The following FPGS variants were observed in gnomAD, a reference collection of about 807,000 sequenced individuals.
FPGS encodes folylpolyglutamate synthase, also known as folylpolyglutamate synthase, mitochondrial.
A neutral mutation model predicts 66.5 loss-of-function variants in FPGS; 53 were observed. That is an observed-to-expected ratio of 0.80 (90% CI 0.64 to 1.00). The LOEUF (loss-of-function observed/expected upper bound fraction) is 1.00. Among genes scored for constraint, FPGS ranks in the 50% least tolerant of loss-of-function variants. The probability of loss-of-function intolerance (pLI) is 0.00; values close to 1 mark genes in which losing one functional copy is unlikely to be tolerated. For synonymous variants in FPGS, 348 were observed against 350.9 expected, an observed-to-expected ratio of 0.99 and a Z score of 0.09; for missense variants, 702 against 807.7, an observed-to-expected ratio of 0.87 and a Z score of 1.59.
At chr9:127,814,148 G>C, downstream of FPGS, 3 of 986,028 alleles carry the variant, frequency 3.0e-6, no homozygotes, top group Non-Finnish European at 2.4e-6. Context: ...GACCTGCACT[G>C]TGTAGAGGGA....
intron 1 of FPGS, 56 bp downstream of exon 1, chr9:127,803,118 G>T (rs1829669701): frequency 1.1e-5 from 14 of 1,299,870 alleles, no homozygotes; most frequent in Non-Finnish European, 1.4e-5. Context: ...GTGGGCCTGC[G>T]CTGAGCCGCA....
At chr9:127,813,122 C>A in intron 14 of FPGS, 73 bp from the exon 15 acceptor site, 1 of 1,499,512 alleles carries the variant, frequency 6.7e-7, no homozygotes. Context: ...TCACGGTGCA[C>A]CCGCCCCTTT....
Position 127,811,829 on chromosome 9 carries a change from C to T in FPGS, c.1354+818C>T, listed in dbSNP as rs142910068. Among the ~76,000 whole-genome samples, 18 of 151,972 alleles carry T rather than the reference C, an allele frequency of 1.2e-4. No individual in the cohort carries two copies. The East Asian group carries it at 3.5e-3, about 30-fold the overall frequency. ...TGAAATAGAGTAGAATAGAAAATAC[C>T]AGTGTACGTTGCACAGAGTAAGGGT... is the stretch of plus-strand genomic sequence containing the variant. On this transcript the variant is annotated intron_variant, in intron 14 of 14. Coordinates refer to ENST00000373247, the MANE Select transcript of FPGS (RefSeq NM_004957.6).
rs568982346 is a variant in FPGS, at chr9:127,810,017, C to A, written c.1212-14C>A. 1.1e-5 allele frequency: 17 copies of A among 1,607,770 alleles called. No individual in the cohort carries two copies. The East Asian group carries it at 2.9e-4, about 28-fold the overall frequency. The stretch of plus-strand genomic sequence containing the variant: ...GGCGGCGCCCTTTGACCCAGCTCCT[C>A]ACCTCTGTCGCAGTGGCCCCGAGGT... On this transcript the variant is annotated splice_polypyrimidine_tract_variant and intron_variant, in intron 12 of 14. Coordinates refer to ENST00000373247, the MANE Select transcript of FPGS (RefSeq NM_004957.6).
In FPGS at chr9:127,803,001, T is replaced by TCGCGG; in HGVS notation, c.85_89dup (p.Leu32GlyfsTer3). On this transcript the variant is annotated frameshift_variant, in exon 1 of 15. Transcript: ENST00000373247. LOFTEE classifies it high-confidence loss of function. ...TCTGCGCGCGGCATAACGACCCAGG[T>TCGCGG]CGCGGCGCGGCGGGGCTTGAGCGCG... 6.8e-7 allele frequency: 1 copy of TCGCGG among 1,465,998 alleles called. No individual in the cohort carries two copies. Among genetic ancestry groups the TCGCGG allele is most frequent in the Non-Finnish European group, 8.9e-7 (1 of 1,117,636 alleles). 90.8% of individuals were successfully genotyped at this position (1,465,998 alleles called of 1,614,324 possible).
At chr9:127,810,883 T>C in intron 13 of FPGS, 62 bp from the exon 14 acceptor site, 1 of 852,024 alleles carries the variant, frequency 1.2e-6, no homozygotes, top group East Asian at 2.7e-5. Flanking sequence ...CAGGGGGCCA[T>C]ATGGAAGTTG....
In FPGS at chr9:127,808,629, G is replaced by A. The variant is rs1829927583; in HGVS notation, c.894G>A (p.Glu298=). 8 of 1,611,486 alleles carry A rather than the reference G, an allele frequency of 5.0e-6. No individual in the cohort carries two copies. The highest frequency in any genetic ancestry group is 1.3e-5 in the African/African-American group (1 of 74,904). Residue 298 remains glutamate (E), a synonymous_variant, in exon 10 of 15, where the codon GAG becomes GAA. Coordinates refer to ENST00000373247, the MANE Select transcript of FPGS (RefSeq NM_004957.6). ...GGCCGCCGCTGACCCTGGGCCTGGA[G>A]GGGGAGCACCAGCGGTCCAACGCCG... ...EGGPPLTLGL[E]GEHQRSNAAL...
Position 127,807,315 on chromosome 9 carries a change from T to C in FPGS, c.579+29T>C. ...TGTGCCCTCTCCCTAGAACCCTGCA[T>C]CTGAGGCCTTGGGAACGGGAACCTC... On this transcript the variant is annotated intron_variant, in intron 6 of 14. Coordinates refer to ENST00000373247, the MANE Select transcript of FPGS (RefSeq NM_004957.6). This position sits in a 1 kb window ranked among gnomAD's most constrained non-coding sequence, Gnocchi z 5.8. 1.2e-6 allele frequency: 2 copies of C among 1,613,754 alleles called. No homozygotes were observed. The highest frequency in any genetic ancestry group is 1.7e-6 in the Non-Finnish European group (2 of 1,179,686).
chr9:127,811,144 A>C, intron 14 of FPGS, 133 bp downstream of exon 14: 1 of 444,748 alleles, frequency 2.2e-6, no homozygotes, highest in African/African-American at 2.0e-5. Flanking sequence ...GTGTACTTAT[A>C]CTCTTTTATA....
Position 127,804,669 on chromosome 9 carries a change from C to T in FPGS, c.355C>T (p.Arg119Ter), listed in dbSNP as rs200083705. The change falls in exon 4 of 15, where the codon CGA becomes TGA. Residue 119 changes from arginine to a stop codon, truncating the protein, a stop_gained. Transcript: ENST00000373247. LOFTEE classifies it high-confidence loss of function. ...CTGTGCCTTCACGGAATGTATCCTCCGAAGCTATGGCCTGAAGACGGGATT... is the reference window on the plus strand; with the variant it reads ...CTGTGCCTTCACGGAATGTATCCTCTGAAGCTATGGCCTGAAGACGGGATT... The part of the protein sequence containing the change: ...STCAFTECIL[R>*]SYGLKTGFFS... 23 of 1,614,022 alleles carry T rather than the reference C, an allele frequency of 1.4e-5. No homozygotes were observed. The highest frequency in any genetic ancestry group is 4.5e-5 in the East Asian group (2 of 44,880).
Position 127,803,058 on chromosome 9 carries a change from AC to A in FPGS, c.136del (p.Gln46ArgfsTer20). 7.1e-7 allele frequency: 1 copy of A among 1,409,812 alleles called. No homozygotes were observed. Among genetic ancestry groups the A allele is most frequent in the Non-Finnish European group, 9.2e-7 (1 of 1,088,604 alleles). 87.3% of individuals were successfully genotyped at this position (1,409,812 alleles called of 1,614,324 possible). A position where few individuals can be genotyped will look rare whatever the true frequency, so the allele number is the denominator to read the frequency against. On this transcript the variant is annotated frameshift_variant, in exon 1 of 15. Transcript: ENST00000373247. LOFTEE classifies it high-confidence loss of function. Reference protein sequence around the residue: ...WPVPQEPSMEYQDAVRMLNTL... With the variant: ...WPVPQEPSMEXQDAVRMLNTL... ...GTGCCGCAGGAGCCGAGCATGGAGT[AC>A]CAGGTATCAGGCGGGCCAGCGGGCC...
chr9:127,813,174 G>C, intron 14 of FPGS, 21 bp from the exon 15 acceptor site: 1 of 1,545,374 alleles, frequency 6.5e-7, no homozygotes, highest in Non-Finnish European at 8.8e-7. Context: ...TCGCTGATAG[G>C]CCTTTCTCTG....
chr9:127,804,039 G>A (rs1351853466), intron 1 of FPGS, among the ~76,000 whole-genome samples: 1 of 152,226 alleles, frequency 6.6e-6, no homozygotes, highest in Non-Finnish European at 1.5e-5. Flanking sequence ...CGTTAGTCAT[G>A]CCACCTTCTT....
At chr9:127,812,622 C>T (rs1246957642) in intron 14 of FPGS, among the ~76,000 whole-genome samples, 4 of 152,194 alleles carry the variant, frequency 2.6e-5, no homozygotes, top group Non-Finnish European at 5.9e-5. Flanking sequence ...TTGCCTCAGC[C>T]TTCCAAGTAT....
Position 127,810,026 on chromosome 9 carries a change from C to T in FPGS, c.1212-5C>T, listed in dbSNP as rs201756483. The T allele has an allele frequency of 7.5e-6, 12 of 1,610,186 alleles. No homozygotes were observed. In the South Asian group the frequency reaches 1.1e-4, roughly 15 times the overall value. ...CTTTGACCCAGCTCCTCACCTCTGTCGCAGTGGCCCCGAGGTTCGAGTCTT... is the reference window on the plus strand; with the variant it reads ...CTTTGACCCAGCTCCTCACCTCTGTTGCAGTGGCCCCGAGGTTCGAGTCTT... On this transcript the variant is annotated splice_polypyrimidine_tract_variant and splice_region_variant and intron_variant, in intron 12 of 14. Coordinates refer to ENST00000373247, the MANE Select transcript of FPGS (RefSeq NM_004957.6).
At position 127,813,238 on chromosome 9, in the gene FPGS, C is replaced by T. The variant is rs1830162026; in HGVS notation, c.1398C>T (p.Arg466=). The T allele has an allele frequency of 3.7e-6, 6 of 1,608,706 alleles. No individual in the cohort carries two copies. The highest frequency in any genetic ancestry group is 5.1e-6 in the Non-Finnish European group (6 of 1,177,370). The change falls in exon 15 of 15, where the codon CGC becomes CGT. Residue 466 remains arginine (R), a synonymous_variant. Coordinates refer to ENST00000373247, the MANE Select transcript of FPGS (RefSeq NM_004957.6). ...TGACACTGGACCAGGTCCTGCTCCG[C>T]TGCCTGGAACACCAGCAGCACTGGA... is the stretch of plus-strand genomic sequence containing the variant. ...FTVTLDQVLL[R]CLEHQQHWNH... is the part of the protein sequence containing the mutation.
At chr9:127,803,174 C>G (rs1829673358) in intron 1 of FPGS, 112 bp downstream of exon 1, 1 of 1,146,950 alleles carries the variant, frequency 8.7e-7, no homozygotes, top group Non-Finnish European at 1.1e-6. Context: ...GAGCCCTGGA[C>G]TGGGGGACTC....
chr9:127,802,910 G>T lies in FPGS; in HGVS notation c.-15G>T, dbSNP rs922011451. 9 of 1,355,996 alleles carry T rather than the reference G, an allele frequency of 6.6e-6. No individual in the cohort carries two copies. The highest frequency in any genetic ancestry group is 3.5e-5 in the South Asian group (2 of 57,492). The allele number at this position is 1,355,996 out of a possible 1,614,324, so 84.0% of individuals were successfully genotyped here. ...TCCCGCCCGGGCCTAGAGCGCTGCC[G>T]GGGGCGCCGGGACTATGTCGCGGGC... is the stretch of plus-strand genomic sequence containing the variant. On this transcript the variant is annotated 5_prime_UTR_variant, in exon 1 of 15. Transcript: ENST00000373247.
At position 127,803,145 on chromosome 9, in the gene FPGS, C is replaced by T. The variant is rs945858843; in HGVS notation, c.138+83C>T. 2.4e-6 allele frequency: 3 copies of T among 1,263,540 alleles called. No individual in the cohort carries two copies. In the Admixed American group the frequency reaches 1.3e-4, roughly 54 times the overall value. The allele number at this position is 1,263,540 out of a possible 1,614,324, so 78.3% of individuals were successfully genotyped here. On this transcript the variant is annotated intron_variant, in intron 1 of 14. Transcript: ENST00000373247. ...TGAGCCGCAGAACATCCGGGCTCCG[C>T]TAGCCGAGAGGGTATCGGGAGCCCT...
Sources: allele counts gnomAD v4.1 joint callset (sites outside exome capture counted in the v4.1 genomes callset), GRCh38; gene constraint gnomAD v4.1.1; non-coding constraint Gnocchi (gnomAD v3.1); transcripts MANE v1.5; gene names NCBI Gene and HGNC (gene_info 2026-07-23, HGNC 2026-07-21).